The following SAMD12 variants were observed in gnomAD, a reference collection of about 807,000 sequenced individuals.
SAMD12 encodes the protein sterile alpha motif domain-containing protein 12.
SAMD12 carries 9 observed loss-of-function variants against 15.0 expected under a neutral mutation model. The ratio of observed to expected loss-of-function variants is 0.60; its 90% CI spans 0.36 to 1.05. The LOEUF is 1.05. Ranked by LOEUF, SAMD12 falls within the 50% of genes least tolerant of loss-of-function variation. SAMD12 has a pLI of 0.01. For missense variants in SAMD12, 230 were observed against 234.2 expected, an observed-to-expected ratio of 0.98 and a Z score of 0.12; for synonymous variants, 86 against 90.1, an observed-to-expected ratio of 0.96 and a Z score of 0.25.
rs201202959 is a variant in SAMD12 at position 118,235,217 on chromosome 8, C to CT, written c.434-37486dup. ...TTAAATACATATGATTATTATAAGT[C>CT]TTTTTTTTTTTTTAGACGGAGTCTT... On this transcript the variant is annotated intron_variant, in intron 4 of 4. Coordinates refer to the SAMD12 transcript ENST00000409003. Among the ~76,000 whole-genome samples, 605 of 144,874 alleles carry CT rather than the reference C, an allele frequency of 4.2e-3. 6 individuals carry two copies. The highest frequency in any genetic ancestry group is 0.013 in the African/African-American group (523 of 39,732).
intron 4 of SAMD12, among the ~76,000 whole-genome samples, chr8:118,275,850 C>T (rs1021683890): frequency 1.3e-5 from 2 of 152,130 alleles, no homozygotes; most frequent in East Asian, 3.8e-4. Flanking sequence ...AGGATAATGG[C>T]CTCTAGCTAC....
chr8:118,418,941 T>C (rs778071611), intron 3 of SAMD12, among the ~76,000 whole-genome samples: 5 of 152,204 alleles, frequency 3.3e-5, no homozygotes, highest in Non-Finnish European at 7.3e-5. Flanking sequence ...TTCCTTTCTC[T>C]TCTATTTCTA....
At chr8:118,581,061 T>C (rs1319249585) in intron 1 of SAMD12, among the ~76,000 whole-genome samples, 168 bp from the exon 2 acceptor site, 2 of 152,102 alleles carry the variant, frequency 1.3e-5, no homozygotes, top group Non-Finnish European at 1.5e-5. Context: ...CACGGTATAG[T>C]GGGAAACCTT....
intron 2 of SAMD12, among the ~76,000 whole-genome samples, chr8:118,558,744 G>A (rs1265923113): frequency 1.3e-5 from 2 of 151,902 alleles, no homozygotes; most frequent in African/African-American, 4.8e-5. Flanking sequence ...ATTTTTAGTA[G>A]AGACGGGTTT....
intron 4 of SAMD12, among the ~76,000 whole-genome samples, chr8:118,234,785 TTTG>T (rs1242499307): frequency 3.9e-5 from 6 of 152,032 alleles, no homozygotes; most frequent in African/African-American, 1.2e-4. Flanking sequence ...GTCATTATTT[TTTG>T]TTGTTTTTTA....
chr8:118,366,866 TAAAATAAAATAAAATAATAAAATAA>T (rs1818813366), intron 4 of SAMD12, among the ~76,000 whole-genome samples: 3 of 111,646 alleles, frequency 2.7e-5, no homozygotes, highest in Admixed American at 8.7e-5. Context: ...TAAAATAAAA[TAAAATAAAATAAAATAATAAAATAA>T]AATAAAATAA....
At chr8:118,566,445 A>G (rs1826853100) in intron 2 of SAMD12, among the ~76,000 whole-genome samples, 1 of 152,244 alleles carries the variant, frequency 6.6e-6, no homozygotes, top group Non-Finnish European at 1.5e-5. Context: ...TTACCCAAAT[A>G]GAACAGAAAC....
At chr8:118,293,700 C>A (rs572087542) in intron 4 of SAMD12, among the ~76,000 whole-genome samples, 1 of 152,076 alleles carries the variant, frequency 6.6e-6, no homozygotes, top group Non-Finnish European at 1.5e-5. Flanking sequence ...ATGCCAATAC[C>A]CCCAATGTAC....
chr8:118,219,123 ACT>A (rs1271916578), intron 4 of SAMD12, among the ~76,000 whole-genome samples: 1 of 150,900 alleles, frequency 6.6e-6, no homozygotes, highest in African/African-American at 2.4e-5. Context: ...ACCTCACCTC[ACT>A]CTTTTTTTAC....
the SAMD12 span, among the ~76,000 whole-genome samples, chr8:118,162,645 A>T: frequency 6.6e-6 from 1 of 152,170 alleles, no homozygotes. Context: ...AAAAGGGTGG[A>T]GACCACATCA....
At chr8:118,407,986 T>C (rs1419108255) in intron 3 of SAMD12, among the ~76,000 whole-genome samples, 1 of 152,206 alleles carries the variant, frequency 6.6e-6, no homozygotes, top group Non-Finnish European at 1.5e-5. Flanking sequence ...ATTCGAGCTC[T>C]TAAAGTTGAA....
At chr8:118,477,075 T>C (rs368850492) in intron 2 of SAMD12, among the ~76,000 whole-genome samples, 1 of 141,118 alleles carries the variant, frequency 7.1e-6, no homozygotes, top group Non-Finnish European at 1.6e-5. Flanking sequence ...TTTTTCTTTT[T>C]TTTTTTTTGA....
rs557019883 is a variant in SAMD12, at chr8:118,580,295, A to G, written c.192+420T>C. 7.9e-5 allele frequency among the ~76,000 whole-genome samples: 12 copies of G among 152,256 alleles called. No homozygotes were observed. The East Asian group carries it at 1.9e-3, about 25-fold the overall frequency. On this transcript the variant is annotated intron_variant, in intron 2 of 3. Transcript: ENST00000314727. ...CATGCAGTACTGGGGCTTTTATAAA[A>G]TGCTTCCACAAGCATACAATCGTTT...
intron 2 of SAMD12, among the ~76,000 whole-genome samples, chr8:118,519,891 A>G (rs1316220166): frequency 6.6e-6 from 1 of 152,226 alleles, no homozygotes; most frequent in Non-Finnish European, 1.5e-5. Flanking sequence ...CAGCAACATT[A>G]TGATCAAGCT....
chr8:118,312,871 GAC>G (rs1815699036), intron 4 of SAMD12, among the ~76,000 whole-genome samples: 1 of 152,148 alleles, frequency 6.6e-6, no homozygotes, highest in Admixed American at 6.5e-5. Context: ...ACTCATAGAT[GAC>G]ACAGAGACTG....
In SAMD12 at chr8:118,254,231, A is replaced by T. The variant is rs768411205; in HGVS notation, c.434-56499T>A. 6.2e-4 allele frequency among the ~76,000 whole-genome samples: 94 copies of T among 152,272 alleles called. 1 individual carries two copies. The highest frequency in any genetic ancestry group is 3.4e-3 in the Middle Eastern group (1 of 294). On this transcript the variant is annotated intron_variant, in intron 4 of 4. Transcript: ENST00000409003. ...GTTTTGAAAAATCATTCTAGAGTCAATTCCCTATCTGTCAAGTATTAGGCT... is the reference window on the plus strand; with the variant it reads ...GTTTTGAAAAATCATTCTAGAGTCATTTCCCTATCTGTCAAGTATTAGGCT...
intron 2 of SAMD12, among the ~76,000 whole-genome samples, chr8:118,573,091 C>T (rs1232530078): frequency 6.6e-6 from 1 of 152,108 alleles, no homozygotes; most frequent in Non-Finnish European, 1.5e-5. Flanking sequence ...AGCCTCTTTT[C>T]TTTTCTTTTT....
At chr8:118,292,540 C>T (rs1274914921) in intron 4 of SAMD12, among the ~76,000 whole-genome samples, 1 of 152,098 alleles carries the variant, frequency 6.6e-6, no homozygotes, top group African/African-American at 2.4e-5. Flanking sequence ...ACCCAACCAT[C>T]CCATTACTGG....
chr8:118,227,522 G>GT, intron 4 of SAMD12, among the ~76,000 whole-genome samples: 1 of 152,034 alleles, frequency 6.6e-6, no homozygotes, highest in Admixed American at 6.6e-5. Context: ...TAAAATGAGA[G>GT]TTAAAAAAAA....
Sources: allele counts gnomAD v4.1 joint callset (sites outside exome capture counted in the v4.1 genomes callset), GRCh38; gene constraint gnomAD v4.1.1; transcripts MANE v1.5; gene names NCBI Gene and HGNC (gene_info 2026-07-23, HGNC 2026-07-21).